CDS2: variants seen among roughly 807,000 people sequenced by gnomAD.
CDS2 encodes the protein CDP-diacylglycerol synthase 2, also known as phosphatidate cytidylyltransferase 2.
In CDS2, 47 loss-of-function variants were observed where a neutral mutation model predicts 59.0. The observed-to-expected ratio is 0.80, with a 90% CI of 0.63 to 1.02. The LOEUF is 1.02. Ranked by LOEUF, CDS2 falls within the 50% of genes least tolerant of loss-of-function variation. The probability of loss-of-function intolerance (pLI) is 0.00; values close to 1 mark genes in which losing one functional copy is unlikely to be tolerated. For missense variants in CDS2, 356 were observed against 558.9 expected, an observed-to-expected ratio of 0.64 and a Z score of 3.66; for synonymous variants, 207 against 206.4, an observed-to-expected ratio of 1.00 and a Z score of -0.02.
At chr20:5,181,443 G>A (rs983391031) in intron 5 of CDS2, among the ~76,000 whole-genome samples, 4 of 152,210 alleles carry the variant, frequency 2.6e-5, no homozygotes, top group Non-Finnish European at 5.9e-5. Context: ...CATACAAGAA[G>A]GAGTTTGGGG....
At chr20:5,162,452 A>G (rs914515998) in intron 1 of CDS2, among the ~76,000 whole-genome samples, 1 of 152,172 alleles carries the variant, frequency 6.6e-6, no homozygotes, top group African/African-American at 2.4e-5. Context: ...ATAGACTCGC[A>G]TGCTGTCAAC....
chr20:5,179,289 T>G (rs1184874707), intron 5 of CDS2, among the ~76,000 whole-genome samples: 2 of 152,146 alleles, frequency 1.3e-5, no homozygotes, highest in Admixed American at 6.5e-5. Context: ...GCCCAGCTAA[T>G]TTTTGTATTT....
chr20:5,190,326 G>A lies in CDS2; in HGVS notation c.*92G>A, dbSNP rs1378216676. 8.0e-7 allele frequency: 1 copy of A among 1,253,934 alleles called. No homozygotes were observed. The highest frequency in any genetic ancestry group is 2.6e-5 in the East Asian group (1 of 38,378). The allele number at this position is 1,253,934 out of a possible 1,614,324, so 77.7% of individuals were successfully genotyped here. On this transcript the variant is annotated 3_prime_UTR_variant, in exon 13 of 13. Coordinates refer to ENST00000460006, the MANE Select transcript of CDS2 (RefSeq NM_003818.4). ...CTGGTGTGACTTAGACAATGACGAGGCTTCAACTCACTGTCTTTTTTTTTT... is the reference window on the plus strand; with the variant it reads ...CTGGTGTGACTTAGACAATGACGAGACTTCAACTCACTGTCTTTTTTTTTT...
At chr20:5,180,741 A>G (rs1469809155) in intron 5 of CDS2, among the ~76,000 whole-genome samples, 1 of 152,160 alleles carries the variant, frequency 6.6e-6, no homozygotes, top group Non-Finnish European at 1.5e-5. Context: ...CCTATTCAGG[A>G]TGGAGTTGCT....
chr20:5,136,482 G>T (rs1293757487), intron 1 of CDS2, among the ~76,000 whole-genome samples: 1 of 152,108 alleles, frequency 6.6e-6, no homozygotes, highest in Non-Finnish European at 1.5e-5. Flanking sequence ...CTGCAGTATT[G>T]TAAATGCCTG....
intron 1 of CDS2, among the ~76,000 whole-genome samples, chr20:5,152,371 G>T (rs1189502254): frequency 6.6e-6 from 1 of 152,064 alleles, no homozygotes; most frequent in African/African-American, 2.4e-5. Flanking sequence ...TTGTTTCAAA[G>T]ACAGCATTTC....
Position 5,194,547 on chromosome 20 carries a change from T to C in CDS2, c.*4313T>C, listed in dbSNP as rs2091142479. 6.6e-6 allele frequency: 1 copy of C among 152,278 alleles called. No individual in the cohort carries two copies. Among genetic ancestry groups the C allele is most frequent in the Non-Finnish European group, 1.5e-5 (1 of 68,076 alleles). The allele number at this position is 152,278 out of a possible 1,614,324, so 9.4% of individuals were successfully genotyped here. On this transcript the variant is annotated 3_prime_UTR_variant, in exon 13 of 13. Coordinates refer to ENST00000460006, the MANE Select transcript of CDS2 (RefSeq NM_003818.4). ...GCTGTTCTCATCTGGGGCTGTCTCT[T>C]GATTAAGGCTGTCACCTGTTTGTAT...
intron 1 of CDS2, among the ~76,000 whole-genome samples, chr20:5,145,822 G>GGTTTTTTTTTTTTTTTT (rs773575866): frequency 7.7e-5 from 10 of 129,256 alleles, no homozygotes; most frequent in African/African-American, 2.1e-4. Flanking sequence ...TGCTTTTTGT[G>GGTTTTTTTTTTTTTTTT]TTTTTTTTTT....
intron 4 of CDS2, among the ~76,000 whole-genome samples, chr20:5,177,281 C>A (rs184341562): frequency 1.3e-5 from 2 of 152,036 alleles, no homozygotes; most frequent in Admixed American, 6.6e-5. Flanking sequence ...TGCTTGTTAT[C>A]CTTGGAACTT....
intron 12 of CDS2, 31 bp downstream of exon 12, chr20:5,189,869 G>C (rs1292274053): frequency 6.4e-7 from 1 of 1,561,578 alleles, no homozygotes; most frequent in Admixed American, 1.7e-5. Flanking sequence ...AACCAAGTTG[G>C]TGGATTTTTA....
At chr20:5,143,148 A>G (rs1412720643) in intron 1 of CDS2, among the ~76,000 whole-genome samples, 3 of 152,182 alleles carry the variant, frequency 2.0e-5, no homozygotes, top group African/African-American at 7.2e-5. Context: ...CCAGCCAAAA[A>G]TGGGCACTTC....
intron 1 of CDS2, among the ~76,000 whole-genome samples, chr20:5,131,042 G>C (rs1231191383): frequency 2.7e-5 from 4 of 149,672 alleles, no homozygotes; most frequent in East Asian, 2.0e-4. Flanking sequence ...GCAGTGAGCC[G>C]AGATGGCGCC....
chr20:5,134,589 C>T (rs1568526696), intron 1 of CDS2, among the ~76,000 whole-genome samples: 1 of 152,116 alleles, frequency 6.6e-6, no homozygotes, highest in Admixed American at 6.5e-5. Flanking sequence ...GGCGTGATCT[C>T]AGCTCACTGC....
At chr20:5,161,529 G>A (rs575509844) in intron 1 of CDS2, among the ~76,000 whole-genome samples, 1 of 152,310 alleles carries the variant, frequency 6.6e-6, no homozygotes, top group South Asian at 2.1e-4. Context: ...ACATTGAGAG[G>A]CAATCCATTG....
At chr20:5,128,297 C>A (rs920923147) in intron 1 of CDS2, 7 of 152,078 alleles carry the variant, frequency 4.6e-5, no homozygotes, top group African/African-American at 1.7e-4. Context: ...CTGGACGCAA[C>A]GGACATTAGG....
At chr20:5,137,775 C>G (rs2122961281) in intron 1 of CDS2, among the ~76,000 whole-genome samples, 1 of 151,696 alleles carries the variant, frequency 6.6e-6, no homozygotes, top group Non-Finnish European at 1.5e-5. Context: ...ACTGCACTAC[C>G]ATAACCTCAA....
intron 8 of CDS2, 74 bp downstream of exon 8, chr20:5,185,019 G>T: frequency 9.2e-7 from 1 of 1,082,804 alleles, no homozygotes. Flanking sequence ...AGATCAGCCT[G>T]GCAGACAGAA....
chr20:5,134,857 A>C (rs1283070627), intron 1 of CDS2, among the ~76,000 whole-genome samples: 1 of 152,150 alleles, frequency 6.6e-6, no homozygotes, highest in African/African-American at 2.4e-5. Context: ...GAAAATGAGC[A>C]TGAGAGTCTA....
chr20:5,171,783 G>A lies in CDS2; in HGVS notation c.58-1740G>A, dbSNP rs182840815. Among the ~76,000 whole-genome samples the A allele has an allele frequency of 3.9e-5, 6 of 152,312 alleles. No individual in the cohort carries two copies. In the East Asian group the frequency reaches 5.8e-4, roughly 15 times the overall value. On this transcript the variant is annotated intron_variant, in intron 1 of 12. Coordinates refer to ENST00000460006, the MANE Select transcript of CDS2 (RefSeq NM_003818.4). ...CCTTATATAAGGTGAAGACGCCAAA[G>A]TACAGAGGCACTTGGGTGACTTATC...
Sources: gnomAD v4.1 joint callset for allele counts (sites outside exome capture counted in the v4.1 genomes callset) on GRCh38, gnomAD v4.1.1 for gene constraint, MANE v1.5 for transcripts, NCBI Gene and HGNC (gene_info 2026-07-23, HGNC 2026-07-21) for gene names.